Variants in DENND3 observed in about 807,000 individuals in gnomAD.
DENND3 encodes the protein DENN domain-containing protein 3.
A neutral mutation model predicts 135.1 loss-of-function variants in DENND3; 88 were observed. The ratio of observed to expected loss-of-function variants is 0.65; its 90% CI spans 0.55 to 0.78. The LOEUF (loss-of-function observed/expected upper bound fraction) is 0.78. Ranked by LOEUF, DENND3 falls within the 30% of genes least tolerant of loss-of-function variation. DENND3 has a pLI of 0.00. For synonymous variants in DENND3, 693 were observed against 712.3 expected (o/e 0.97, Z 0.43); for missense variants, 1,392 against 1,688.4 (o/e 0.82, Z 3.08).
chr8:141,166,241 CT>C lies in DENND3; in HGVS notation c.1606del (p.Ser536ProfsTer38). ...PRRPTVEKRASRKSSHLHVTH... is the reference protein window; with the variant it reads ...PRRPTVEKRAXRKSSHLHVTH... ...GGAGACCGACCGTTGAGAAAAGAGC[CT>C]CCCGGAAGTCCTCGCACCTGCATGT... On this transcript the variant is annotated frameshift_variant, in exon 12 of 23. Coordinates refer to ENST00000519811, the MANE Select transcript of DENND3 (RefSeq NM_001352890.3). LOFTEE classifies it high-confidence loss of function. The surrounding 1 kb of genome is among the most constrained non-coding windows in gnomAD (Gnocchi z 4.3). 2 of 1,614,152 alleles carry C rather than the reference CT, an allele frequency of 1.2e-6. No individual in the cohort carries two copies. Among genetic ancestry groups the C allele is most frequent in the Non-Finnish European group, 1.7e-6 (2 of 1,180,040 alleles).
At position 141,130,317 on chromosome 8, in the gene DENND3, G is replaced by T. The variant is rs1042679192; in HGVS notation, c.102+1508G>T. ...ATTCCTGAGCTCAAGTGATCCTCCCGCCTCAGCCTTTCAAAGTGCTGGGAT... is the reference window on the plus strand; with the variant it reads ...ATTCCTGAGCTCAAGTGATCCTCCCTCCTCAGCCTTTCAAAGTGCTGGGAT... On this transcript the variant is annotated intron_variant, in intron 1 of 22. Transcript: ENST00000519811. The surrounding 1 kb of genome is among the most constrained non-coding windows in gnomAD (Gnocchi z 4.2). Among the ~76,000 whole-genome samples, 1 of 152,056 alleles carries T rather than the reference G, an allele frequency of 6.6e-6. No individual in the cohort carries two copies. The highest frequency in any genetic ancestry group is 1.5e-5 in the Non-Finnish European group (1 of 68,026).
intron 1 of DENND3, among the ~76,000 whole-genome samples, chr8:141,134,943 G>T (rs10090613): frequency 0.053 from 8,078 of 152,060 alleles, 706 homozygotes; most frequent in African/African-American, 0.18. Context: ...CCATTCTCCT[G>T]CCTCAGCCCC....
At chr8:141,158,160 T>G (rs766058412) in intron 8 of DENND3, 1 of 1,289,630 alleles carries the variant, frequency 7.8e-7, no homozygotes, top group Non-Finnish European at 1.0e-6. Context: ...TCTGCTTGCT[T>G]GGGCTGTGGA....
intron 20 of DENND3, 38 bp downstream of exon 20, chr8:141,190,455 C>A: frequency 6.4e-7 from 1 of 1,558,502 alleles, no homozygotes; most frequent in Non-Finnish European, 8.7e-7. Flanking sequence ...GGCACCCTAC[C>A]TCCCTGCTCT....
In DENND3 at chr8:141,160,678, C is replaced by A; in HGVS notation, c.1243C>A (p.Leu415Ile). The A allele has an allele frequency of 6.2e-7, 1 of 1,612,440 alleles. No individual in the cohort carries two copies. The highest frequency in any genetic ancestry group is 1.3e-5 in the African/African-American group (1 of 75,050). The part of the protein sequence containing the change: ...LHHELHAAHL[L>I]SSTDLKEGRA... ...CCATGAGCTGCACGCCGCCCACCTC[C>A]TCTCCAGCACAGACCTGAAGGAGGG... The change falls in exon 9 of 23, where the codon CTC becomes ATC. Residue 415 changes from leucine (L) to isoleucine (I), a missense_variant. By Grantham distance (5) the Leu-to-Ile change is conservative. Transcript: ENST00000519811.
chr8:141,134,759 T>C (rs1037929423), intron 1 of DENND3, among the ~76,000 whole-genome samples: 2 of 152,242 alleles, frequency 1.3e-5, no homozygotes, highest in African/African-American at 4.8e-5. Context: ...TTGTCACTGC[T>C]GTGTCTTATT....
chr8:141,155,804 C>T (rs770729902), intron 7 of DENND3, 45 bp from the exon 8 acceptor site: 59 of 1,541,540 alleles, frequency 3.8e-5, no homozygotes, highest in Admixed American at 2.3e-4. Flanking sequence ...ATACAAATTC[C>T]GAAATTCTTT....
At chr8:141,190,793 C>T (rs1185518848) in intron 20 of DENND3, among the ~76,000 whole-genome samples, 1 of 152,246 alleles carries the variant, frequency 6.6e-6, no homozygotes, top group Non-Finnish European at 1.5e-5. Context: ...GTCTCCACAC[C>T]TGGGGGCAGC....
At chr8:141,162,883 C>T (rs1408929055) in intron 9 of DENND3, among the ~76,000 whole-genome samples, 1 of 152,212 alleles carries the variant, frequency 6.6e-6, no homozygotes, top group Non-Finnish European at 1.5e-5. Context: ...CACTGCACTC[C>T]AGCCTGGGCC....
rs77007940 is a variant in DENND3 at position 141,142,361 on chromosome 8, C to T, written c.623+1037C>T. 9 of 456,842 alleles carry T rather than the reference C, an allele frequency of 2.0e-5. No homozygotes were observed. The East Asian group carries it at 2.1e-4, about 11-fold the overall frequency. 28.3% of individuals were successfully genotyped at this position (456,842 alleles called of 1,614,324 possible). A position where few individuals can be genotyped will look rare whatever the true frequency, so the allele number is the denominator to read the frequency against. On this transcript the variant is annotated intron_variant, in intron 4 of 22. Coordinates refer to ENST00000519811, the MANE Select transcript of DENND3 (RefSeq NM_001352890.3). ...TGTCATCATGCTGGAGAATGAGCCACGGCAAATCGCTGAATTGGTGCTGTT... is the reference window on the plus strand; with the variant it reads ...TGTCATCATGCTGGAGAATGAGCCATGGCAAATCGCTGAATTGGTGCTGTT...
chr8:141,175,190 T>A lies in DENND3; in HGVS notation c.2276-10T>A. On this transcript the variant is annotated splice_polypyrimidine_tract_variant and intron_variant, in intron 13 of 22. Transcript: ENST00000519811. The surrounding 1 kb of genome is among the most constrained non-coding windows in gnomAD (Gnocchi z 5.4). ...GTAAGATACCTCTCTTTTCTTCTTA[T>A]CAAACTAAGGACAGGAGAAACAAAT... is the stretch of plus-strand genomic sequence containing the variant. The A allele has an allele frequency of 6.2e-7, 1 of 1,608,402 alleles. No homozygotes were observed. Among genetic ancestry groups the A allele is most frequent in the Non-Finnish European group, 8.5e-7 (1 of 1,176,732 alleles).
Position 141,175,297 on chromosome 8 carries a change from G to T in DENND3, c.2373G>T (p.Leu791=), listed in dbSNP as rs1443098306. ...CCCAGGAGGTCAGTCTGCCGTGGCT[G>T]GTGATGGAACACCTGGATAAAAACG... The part of the protein sequence containing the change: ...AEAQEVSLPW[L]VMEHLDKNEC... The change falls in exon 14 of 23, where the codon CTG becomes CTT. Residue 791 remains leucine, a synonymous_variant. Transcript: ENST00000519811. This position sits in a 1 kb window ranked among gnomAD's most constrained non-coding sequence, Gnocchi z 5.4. The T allele has an allele frequency of 6.2e-7, 1 of 1,614,218 alleles. No homozygotes were observed. Among genetic ancestry groups the T allele is most frequent in the South Asian group, 1.1e-5 (1 of 91,084 alleles).
chr8:141,156,662 C>T (rs1330649317), intron 8 of DENND3, among the ~76,000 whole-genome samples: 1 of 152,176 alleles, frequency 6.6e-6, no homozygotes, highest in Non-Finnish European at 1.5e-5. Context: ...GACAGGACAG[C>T]CATGGCCCCT....
At chr8:141,148,193 C>T (rs1018145377) in intron 5 of DENND3, among the ~76,000 whole-genome samples, 2 of 152,072 alleles carry the variant, frequency 1.3e-5, no homozygotes. Context: ...CGTGTGTGTG[C>T]GTTCCTCATT....
intron 16 of DENND3, among the ~76,000 whole-genome samples, chr8:141,179,382 G>A (rs1449431789): frequency 5.3e-5 from 8 of 152,172 alleles, no homozygotes; most frequent in Admixed American, 2.0e-4. Context: ...AATCTCTGTC[G>A]GGCGTTTACA....
At position 141,194,644 on chromosome 8, in the gene DENND3, C is replaced by T. The variant is rs1011001236; in HGVS notation, c.*411C>T. The T allele has an allele frequency of 4.7e-6, 1 of 212,422 alleles. No homozygotes were observed. Among genetic ancestry groups the T allele is most frequent in the African/African-American group, 2.3e-5 (1 of 44,250 alleles). The allele number at this position is 212,422 out of a possible 1,614,324, so 13.2% of individuals were successfully genotyped here. On this transcript the variant is annotated 3_prime_UTR_variant, in exon 23 of 23. Coordinates refer to ENST00000519811, the MANE Select transcript of DENND3 (RefSeq NM_001352890.3). ...CCTTTCCTTACTTCATTCATTCACTCACCCAGTCCTTACGAATCACCGAGG... is the reference window on the plus strand; with the variant it reads ...CCTTTCCTTACTTCATTCATTCACTTACCCAGTCCTTACGAATCACCGAGG...
Position 141,175,609 on chromosome 8 carries a change from A to G in DENND3, c.2535+150A>G, listed in dbSNP as rs1298955484. ...TGCCTTCCTGTCCCTCAGTTTGCTC[A>G]TCTGTAAAGTAGGAATAAGGCTGAT... On this transcript the variant is annotated intron_variant, in intron 14 of 22. Transcript: ENST00000519811. The surrounding 1 kb of genome is among the most constrained non-coding windows in gnomAD (Gnocchi z 5.4). The G allele has an allele frequency of 1.9e-5, 24 of 1,234,174 alleles. No individual in the cohort carries two copies. The highest frequency in any genetic ancestry group is 2.7e-5 in the Non-Finnish European group (23 of 864,204). 76.5% of individuals were successfully genotyped at this position (1,234,174 alleles called of 1,614,324 possible).
At chr8:141,164,213 G>A (rs552533441) in intron 10 of DENND3, among the ~76,000 whole-genome samples, 3 of 152,314 alleles carry the variant, frequency 2.0e-5, no homozygotes, top group Admixed American at 1.3e-4. Context: ...GTGTCTCAGC[G>A]GCGGCTCCTT....
Position 141,136,672 on chromosome 8 carries a change from A to G in DENND3, c.266A>G (p.Glu89Gly), listed in dbSNP as rs539016918. The change falls in exon 2 of 23, where the codon GAG (glutamate) becomes GGG (glycine). Residue 89 changes from glutamate to glycine, a missense_variant. Glu to Gly is a moderately conservative substitution (Grantham distance 98). Coordinates refer to ENST00000519811, the MANE Select transcript of DENND3 (RefSeq NM_001352890.3). The part of the protein sequence containing the change: ...TRMRSLRKKR[E>G]KPRPEQWKGL... ...ATGCGCTCCTTGAGAAAGAAGAGAGAGAAGCCCAGACCAGAGCAGTGGAAG... is the reference window on the plus strand; with the variant it reads ...ATGCGCTCCTTGAGAAAGAAGAGAGGGAAGCCCAGACCAGAGCAGTGGAAG... The G allele has an allele frequency of 6.2e-7, 1 of 1,613,362 alleles. No homozygotes were observed.
Sources: gnomAD v4.1 joint callset for allele counts (sites outside exome capture counted in the v4.1 genomes callset) on GRCh38, gnomAD v4.1.1 for gene constraint, Gnocchi (gnomAD v3.1) non-coding constraint, MANE v1.5 for transcripts, NCBI Gene and HGNC (gene_info 2026-07-23, HGNC 2026-07-21) for gene names.